The following TENM2 variants were observed in gnomAD, a reference collection of about 807,000 sequenced individuals.
TENM2 encodes the protein teneurin-2.
Under a neutral mutation model 245.2 loss-of-function variants are expected in TENM2, and 52 were observed. That is an observed-to-expected ratio of 0.21 (90% CI 0.17 to 0.27). The LOEUF is 0.27. Ranked by LOEUF, TENM2 falls within the 10% of genes least tolerant of loss-of-function variation. The pLI is 1.00. For synonymous variants in TENM2, 1,363 were observed against 1,438.9 expected (o/e 0.95, Z 1.19); for missense variants, 3,046 against 3,666.8 (o/e 0.83, Z 4.37).
intron 2 of TENM2, among the ~76,000 whole-genome samples, chr5:167,815,783 G>A (rs1197695480): frequency 2.6e-5 from 4 of 151,918 alleles, no homozygotes; most frequent in African/African-American, 9.7e-5. Flanking sequence ...AGAATGAGAG[G>A]GAAAATAAAA....
intron 2 of TENM2, among the ~76,000 whole-genome samples, chr5:167,539,497 A>G (rs1273237863): frequency 6.6e-6 from 1 of 152,130 alleles, no homozygotes; most frequent in Non-Finnish European, 1.5e-5. Flanking sequence ...GGTTTAAAAT[A>G]TTTTCCATTC....
chr5:167,138,076 G>A, the TENM2 span, among the ~76,000 whole-genome samples: 1 of 152,190 alleles, frequency 6.6e-6, no homozygotes, highest in East Asian at 1.9e-4. Context: ...AATGTTGCTT[G>A]AAAGGTAGGC....
intron 2 of TENM2, among the ~76,000 whole-genome samples, chr5:167,742,930 T>C (rs937007478): frequency 1.3e-5 from 2 of 152,056 alleles, no homozygotes; most frequent in Non-Finnish European, 2.9e-5. Context: ...ATCATGCCAC[T>C]GCATTCCAGC....
the TENM2 span, among the ~76,000 whole-genome samples, chr5:166,981,557 T>A: frequency 6.6e-6 from 1 of 152,198 alleles, no homozygotes; most frequent in East Asian, 1.9e-4. Flanking sequence ...TTCTCTGGCA[T>A]ATTCCACACA....
At chr5:167,922,057 G>GA (rs1255702448) in intron 3 of TENM2, among the ~76,000 whole-genome samples, 3 of 152,006 alleles carry the variant, frequency 2.0e-5, no homozygotes, top group African/African-American at 4.8e-5. Flanking sequence ...GAAATATCAA[G>GA]AAAAAAGAGT....
At chr5:167,649,407 CT>C (rs1780187677) in intron 2 of TENM2, among the ~76,000 whole-genome samples, 1 of 152,158 alleles carries the variant, frequency 6.6e-6, no homozygotes, top group Admixed American at 6.5e-5. Flanking sequence ...CACCTGACAC[CT>C]TGCCTAGTAA....
chr5:167,936,110 C>T (rs32420), intron 3 of TENM2, among the ~76,000 whole-genome samples: 51,979 of 152,050 alleles, frequency 0.34, 11,242 homozygotes, highest in African/African-American at 0.62. Flanking sequence ...TGATGAAAAA[C>T]CGCCTTGTAT....
intron 2 of TENM2, among the ~76,000 whole-genome samples, chr5:167,636,632 A>G: frequency 6.6e-6 from 1 of 152,144 alleles, no homozygotes; most frequent in East Asian, 1.9e-4. Context: ...TTTACTTAAC[A>G]TTTATTGAAT....
the TENM2 span, among the ~76,000 whole-genome samples, chr5:167,191,282 A>G: frequency 2.6e-5 from 4 of 152,108 alleles, no homozygotes; most frequent in Non-Finnish European, 5.9e-5. Flanking sequence ...TTACAAAATA[A>G]CATGTATATG....
chr5:167,476,891 GC>G (rs1767421720), intron 2 of TENM2, among the ~76,000 whole-genome samples: 2 of 152,154 alleles, frequency 1.3e-5, no homozygotes, highest in Admixed American at 1.3e-4. Context: ...GAGCCACTGT[GC>G]CCAGCCAATA....
At chr5:168,048,986 G>A (rs1472534347) in intron 6 of TENM2, among the ~76,000 whole-genome samples, 1 of 152,154 alleles carries the variant, frequency 6.6e-6, no homozygotes, top group Non-Finnish European at 1.5e-5. Context: ...AAAAAGCCCA[G>A]AGCCAAATGT....
chr5:168,195,283 G>T, exon 15 of TENM2: 1 of 1,589,060 alleles, frequency 6.3e-7, no homozygotes, highest in Non-Finnish European at 8.6e-7. Context: ...ACCATCACCC[G>T]CCAGGATGGC....
chr5:167,248,172 C>T, the TENM2 span, among the ~76,000 whole-genome samples: 322 of 152,192 alleles, frequency 2.1e-3, 2 homozygotes, highest in African/African-American at 7.5e-3. Context: ...TGAAATTTGA[C>T]GGATTTTTGC....
intron 1 of TENM2, among the ~76,000 whole-genome samples, chr5:167,325,406 T>A (rs1757020130): frequency 6.6e-6 from 1 of 152,160 alleles, no homozygotes; most frequent in Non-Finnish European, 1.5e-5. Flanking sequence ...TAATTGAAGA[T>A]CAAGTCAACA....
At chr5:168,195,801 T>A (rs968193880) in intron 15 of TENM2, among the ~76,000 whole-genome samples, 4 of 152,118 alleles carry the variant, frequency 2.6e-5, no homozygotes, top group Non-Finnish European at 1.5e-5. Flanking sequence ...GGGTGGCGTG[T>A]AATCAGAGAA....
intron 2 of TENM2, among the ~76,000 whole-genome samples, chr5:167,608,347 G>A (rs537497764): frequency 3.9e-5 from 6 of 152,172 alleles, no homozygotes; most frequent in African/African-American, 1.4e-4. Context: ...CAAACTTTGA[G>A]ATGGTTATCT....
At chr5:168,246,292 G>A (rs768139106) in intron 26 of TENM2, among the ~76,000 whole-genome samples, 1 of 151,744 alleles carries the variant, frequency 6.6e-6, no homozygotes, top group African/African-American at 2.4e-5. Flanking sequence ...ATCAGGGTAT[G>A]TGTTTCACAC....
At chr5:167,928,895 CAAAA>C (rs767167658) in intron 3 of TENM2, among the ~76,000 whole-genome samples, 1 of 21,590 alleles carries the variant, frequency 4.6e-5, no homozygotes, top group Non-Finnish European at 9.2e-5. Flanking sequence ...GACCCTGGCT[CAAAA>C]AAAAAAAAAA....
chr5:167,263,665 C>T, the TENM2 span, among the ~76,000 whole-genome samples: 4 of 152,064 alleles, frequency 2.6e-5, no homozygotes, highest in Admixed American at 2.6e-4. Context: ...CTGGTATCTG[C>T]ACTCCCAGTT....
Sources: gnomAD v4.1 joint callset for allele counts (sites outside exome capture counted in the v4.1 genomes callset) on GRCh38, gnomAD v4.1.1 for gene constraint, MANE v1.5 for transcripts, NCBI Gene and HGNC (gene_info 2026-07-23, HGNC 2026-07-21) for gene names.